HHLA2: variants seen among roughly 807,000 people sequenced by gnomAD.
The protein encoded by HHLA2 is HERV-H LTR-associating protein 2.
In HHLA2, 48 loss-of-function variants were observed where a neutral mutation model predicts 45.9. That is an observed-to-expected ratio of 1.05 (90% CI 0.83 to 1.33). HHLA2 has a LOEUF of 1.33. HHLA2 is among the 40% of genes most tolerant of loss of function. HHLA2 has a pLI of 0.00. For synonymous variants in HHLA2, 161 were observed against 173.9 expected (o/e 0.93, Z 0.59); for missense variants, 462 against 494.3 (o/e 0.93, Z 0.62).
chr3:108,355,727 A>G (rs1264552249), intron 6 of HHLA2, among the ~76,000 whole-genome samples: 1 of 152,228 alleles, frequency 6.6e-6, no homozygotes, highest in Non-Finnish European at 1.5e-5. Context: ...AGGATTTTCT[A>G]CCAGCATTGC....
chr3:108,330,242 A>C (rs1576126942), intron 3 of HHLA2, among the ~76,000 whole-genome samples: 1 of 152,292 alleles, frequency 6.6e-6, no homozygotes, highest in East Asian at 1.9e-4. Context: ...GCCCTGGTAC[A>C]GTGTGGGAAA....
chr3:108,377,315 T>A, exon 11 of HHLA2: 1 of 1,510,752 alleles, frequency 6.6e-7, no homozygotes, highest in Non-Finnish European at 9.2e-7. Context: ...ATGACCTGCA[T>A]CCTTAATATC....
At chr3:108,368,136 T>A (rs1040034400) in intron 8 of HHLA2, among the ~76,000 whole-genome samples, 1 of 151,944 alleles carries the variant, frequency 6.6e-6, no homozygotes, top group African/African-American at 2.4e-5. Flanking sequence ...AGAAATAAAA[T>A]CCTTTACAGA....
At chr3:108,347,643 A>G (rs561006706) in intron 3 of HHLA2, among the ~76,000 whole-genome samples, 41 of 152,288 alleles carry the variant, frequency 2.7e-4, no homozygotes, top group Non-Finnish European at 5.3e-4. Context: ...TTGGAAGGAG[A>G]CAACAGTAGG....
At chr3:108,333,299 CTTAA>C (rs2081418360) in intron 3 of HHLA2, among the ~76,000 whole-genome samples, 1 of 152,130 alleles carries the variant, frequency 6.6e-6, no homozygotes, top group Non-Finnish European at 1.5e-5. Flanking sequence ...ATGTCATAAC[CTTAA>C]TTCTCAACCA....
At chr3:108,353,280 C>G in intron 4 of HHLA2, 147 bp from the exon 4 acceptor site, 1 of 572,800 alleles carries the variant, frequency 1.7e-6, no homozygotes, top group Non-Finnish European at 3.0e-6. Flanking sequence ...AGGTTTGTTT[C>G]TAATAATCAG....
intron 3 of HHLA2, among the ~76,000 whole-genome samples, chr3:108,333,020 TA>T (rs2081412685): frequency 6.6e-6 from 1 of 152,086 alleles, no homozygotes; most frequent in African/African-American, 2.4e-5. Context: ...TTCATTGGAG[TA>T]AAAGGCAGTA....
rs367797527 is a variant in HHLA2, at chr3:108,357,847, G to T, written c.689G>T (p.Gly230Val). The T allele has an allele frequency of 6.9e-6, 11 of 1,601,208 alleles. No individual in the cohort carries two copies. The African/African-American group carries it at 1.5e-4, about 22-fold the overall frequency. Residue 230 changes from glycine to valine, a missense_variant, in exon 7 of 11, where the codon GGC becomes GTC. By Grantham distance (109) the Gly-to-Val change is moderately radical (BLOSUM62 -3). This residue lies in a region of HHLA2 where 335 missense variants were observed against 367.4 expected (regional missense o/e 0.91). Coordinates refer to ENST00000619531, the Ensembl canonical transcript of HHLA2. ...TTCTTTTCTATTGTGTTGTTAGATG[G>T]CCTTCATAAAATGCAAAGTGAACAC...
At chr3:108,353,838 A>G (rs1576159820) in intron 5 of HHLA2, 58 bp downstream of exon 4, 1 of 1,338,220 alleles carries the variant, frequency 7.5e-7, no homozygotes, top group East Asian at 2.4e-5. Context: ...TGTTATTAGT[A>G]AGCGTCTTTT....
intron 3 of HHLA2, among the ~76,000 whole-genome samples, chr3:108,338,627 A>G (rs957477571): frequency 1.3e-5 from 2 of 152,172 alleles, no homozygotes; most frequent in Non-Finnish European, 2.9e-5. Flanking sequence ...TTTTCTCTCC[A>G]CAAGCCTAGC....
At chr3:108,376,171 C>G (rs2082271861) in intron 9 of HHLA2, among the ~76,000 whole-genome samples, 1 of 152,180 alleles carries the variant, frequency 6.6e-6, no homozygotes, top group Non-Finnish European at 1.5e-5. Flanking sequence ...CCATCACTCT[C>G]ATCCCCTCTT....
At chr3:108,355,409 A>T (rs765656223) in intron 6 of HHLA2, 28 bp downstream of exon 5, 6 of 1,590,638 alleles carry the variant, frequency 3.8e-6, no homozygotes, top group African/African-American at 1.4e-5. Context: ...TTCTGTGTAC[A>T]CGTGCTGTTT....
chr3:108,312,959 C>T (rs80337118), intron 2 of HHLA2, among the ~76,000 whole-genome samples: 153 of 152,256 alleles, frequency 1.0e-3, no homozygotes, highest in Middle Eastern at 3.4e-3. Context: ...AACAGCTGAA[C>T]ATTCTTGAGG....
intron 2 of HHLA2, chr3:108,326,029 A>G (rs1362565883): frequency 6.5e-6 from 2 of 306,138 alleles, no homozygotes; most frequent in African/African-American, 2.2e-5. Flanking sequence ...TCTTCTTGCC[A>G]CTGCCTCAGT....
At chr3:108,376,430 C>T (rs932188226) in intron 9 of HHLA2, 63 bp from the exon 9 acceptor site, 5 of 1,283,442 alleles carry the variant, frequency 3.9e-6, no homozygotes, top group African/African-American at 2.9e-5. Context: ...TGAGATAGGA[C>T]TAAGGGAGAA....
intron 4 of HHLA2, among the ~76,000 whole-genome samples, chr3:108,353,031 G>A (rs1191202783): frequency 6.6e-6 from 1 of 152,186 alleles, no homozygotes; most frequent in Non-Finnish European, 1.5e-5. Flanking sequence ...TTGCTAGCTG[G>A]ATAAACTAAT....
At chr3:108,343,401 G>A (rs1474772479) in intron 3 of HHLA2, among the ~76,000 whole-genome samples, 2 of 152,194 alleles carry the variant, frequency 1.3e-5, no homozygotes, top group South Asian at 2.1e-4. Flanking sequence ...TAGGCCAGGA[G>A]ATTTTCTTTT....
intron 2 of HHLA2, among the ~76,000 whole-genome samples, chr3:108,317,620 G>T (rs942525553): frequency 6.6e-6 from 1 of 150,966 alleles, no homozygotes; most frequent in African/African-American, 2.4e-5. Flanking sequence ...TGTTGCCCAG[G>T]CTGGAGTGCA....
At chr3:108,307,907 G>A (rs2080957188) in intron 1 of HHLA2, among the ~76,000 whole-genome samples, 1 of 151,732 alleles carries the variant, frequency 6.6e-6, no homozygotes, top group African/African-American at 2.4e-5. Flanking sequence ...GTATATATAT[G>A]TATGAGATAC....
Sources: gnomAD v4.1 joint callset for allele counts (sites outside exome capture counted in the v4.1 genomes callset) on GRCh38, gnomAD v4.1.1 for gene constraint, gnomAD v4.1.1 regional missense constraint, MANE v1.5 for transcripts, NCBI Gene and HGNC (gene_info 2026-07-23, HGNC 2026-07-21) for gene names.